SLC14A2: variants seen among roughly 807,000 people sequenced by gnomAD.
SLC14A2 encodes solute carrier family 14 member 2, also known as urea transporter 2.
Under a neutral mutation model 104.6 loss-of-function variants are expected in SLC14A2, and 91 were observed. The observed-to-expected ratio is 0.87, with a 90% CI of 0.73 to 1.04. The LOEUF is 1.04. SLC14A2 is among the 50% of genes least tolerant of loss of function. The pLI is 0.00. For missense variants in SLC14A2, 1,189 were observed against 1,156.0 expected (o/e 1.03, Z -0.41); for synonymous variants, 476 against 466.4 (o/e 1.02, Z -0.27).
intron 1 of SLC14A2, among the ~76,000 whole-genome samples, chr18:45,244,054 A>G (rs2084344840): frequency 6.6e-6 from 1 of 152,128 alleles, no homozygotes; most frequent in Non-Finnish European, 1.5e-5. Context: ...AGCTTACCAA[A>G]CCGGGTTTCT....
chr18:45,260,622 C>T (rs1046452137), intron 1 of SLC14A2, among the ~76,000 whole-genome samples: 3 of 152,156 alleles, frequency 2.0e-5, no homozygotes, highest in African/African-American at 4.8e-5. Context: ...TGGCATACTA[C>T]TCAGCCATAA....
At chr18:45,554,997 T>C (rs1022695348) in intron 2 of SLC14A2, among the ~76,000 whole-genome samples, 14 of 152,262 alleles carry the variant, frequency 9.2e-5, no homozygotes, top group African/African-American at 3.4e-4. Flanking sequence ...TTGAGATGGA[T>C]TTGAAACTGC....
chr18:45,342,510 A>G (rs2085406244), intron 1 of SLC14A2, among the ~76,000 whole-genome samples: 1 of 152,214 alleles, frequency 6.6e-6, no homozygotes, highest in African/African-American at 2.4e-5. Flanking sequence ...GAGAATTTTA[A>G]TTTAGAACAA....
intron 2 of SLC14A2, among the ~76,000 whole-genome samples, chr18:45,515,937 GT>G: frequency 6.6e-6 from 1 of 152,366 alleles, no homozygotes; most frequent in South Asian, 2.1e-4. Context: ...CCAAGCCATT[GT>G]GGTAACTATA....
Position 45,672,994 on chromosome 18 carries a change from C to T in SLC14A2, c.2324C>T (p.Ser775Leu), listed in dbSNP as rs552561427. Residue 775 changes from serine (S) to leucine (L), a missense_variant, in exon 17 of 20, where the codon TCA (serine) becomes TTA (leucine). Transcript: ENST00000255226. Reference sequence around the variant, plus strand: ...TTCCTCATAGCTCTGTTCATATCCTCACCTCTCATTTGCTTGCATGCAGCA... The same window carrying T: ...TTCCTCATAGCTCTGTTCATATCCTTACCTCTCATTTGCTTGCATGCAGCA... ...GIFLIALFIS[S>L]PLICLHAAIG... 6.9e-5 allele frequency: 111 copies of T among 1,614,176 alleles called. 3 individuals are homozygous for T. The South Asian group carries it at 1.2e-3, about 17-fold the overall frequency.
At chr18:45,212,546 C>T (rs1460638622), upstream of SLC14A2, among the ~76,000 whole-genome samples, 2 of 152,208 alleles carry the variant, frequency 1.3e-5, no homozygotes, top group East Asian at 1.9e-4. Flanking sequence ...AATCCCCCTC[C>T]TCCAACGTGA....
intron 2 of SLC14A2, among the ~76,000 whole-genome samples, chr18:45,537,574 A>C (rs1482493789): frequency 6.6e-6 from 1 of 152,304 alleles, no homozygotes; most frequent in East Asian, 1.9e-4. Flanking sequence ...AGAGGAACAG[A>C]AGACAGCTTT....
intron 1 of SLC14A2, among the ~76,000 whole-genome samples, chr18:45,432,082 T>C (rs1285769217): frequency 6.6e-6 from 1 of 152,176 alleles, no homozygotes; most frequent in Non-Finnish European, 1.5e-5. Context: ...AGCAAGACAA[T>C]GCCTCGTTTG....
chr18:45,229,334 A>C (rs966442622), intron 1 of SLC14A2, among the ~76,000 whole-genome samples: 5 of 152,182 alleles, frequency 3.3e-5, no homozygotes, highest in Non-Finnish European at 5.9e-5. Context: ...GAAAAGAATC[A>C]GAATTTGAAA....
the SLC14A2 span, among the ~76,000 whole-genome samples, chr18:45,189,408 A>G: frequency 1.3e-5 from 2 of 152,230 alleles, no homozygotes; most frequent in Non-Finnish European, 2.9e-5. Context: ...GCTTGTTACA[A>G]TACACCAATA....
intron 1 of SLC14A2, among the ~76,000 whole-genome samples, chr18:45,464,608 T>A (rs564075066): frequency 6.6e-6 from 1 of 152,280 alleles, no homozygotes; most frequent in African/African-American, 2.4e-5. Context: ...TTCGTGTAAT[T>A]TCTATTTTTT....
intron 1 of SLC14A2, among the ~76,000 whole-genome samples, chr18:45,257,929 G>A (rs1208639941): frequency 3.3e-5 from 5 of 152,264 alleles, no homozygotes; most frequent in East Asian, 1.9e-4. Context: ...CAACTAGTAC[G>A]CACAAGGACT....
chr18:45,207,505 A>G, the SLC14A2 span, among the ~76,000 whole-genome samples: 2 of 152,010 alleles, frequency 1.3e-5, no homozygotes, highest in African/African-American at 2.4e-5. Flanking sequence ...AAACCTAATA[A>G]TGTGTGTGCA....
Position 45,682,722 on chromosome 18 carries a change from C to G in SLC14A2, c.*203C>G, listed in dbSNP as rs2046329989. ...TTATCAAAGATATGTTTAGTTTAGA[C>G]TTTATACCCTTAGCTTTCCCATAAG... On this transcript the variant is annotated 3_prime_UTR_variant, in exon 20 of 20. Coordinates refer to ENST00000255226, the MANE Select transcript of SLC14A2 (RefSeq NM_007163.4). 1 of 560,726 alleles carries G rather than the reference C, an allele frequency of 1.8e-6. No homozygotes were observed. Among genetic ancestry groups the G allele is most frequent in the African/African-American group, 1.9e-5 (1 of 53,142 alleles). 34.7% of individuals were successfully genotyped at this position (560,726 alleles called of 1,614,324 possible).
rs149883370 is a variant in SLC14A2 at position 45,510,378 on chromosome 18, T to G, written c.-35+27056T>G. 2.9e-3 allele frequency among the ~76,000 whole-genome samples: 436 copies of G among 152,258 alleles called. 2 individuals carry two copies. Among genetic ancestry groups the G allele is most frequent in the African/African-American group, 9.9e-3 (412 of 41,542 alleles). ...CAAGCCATACTAAGCGTAGGTTTGA[T>G]GGAAAATGAGAAGGCATATAGAACA... On this transcript the variant is annotated intron_variant, in intron 2 of 20. Coordinates refer to the SLC14A2 transcript ENST00000586448.
intron 10 of SLC14A2, among the ~76,000 whole-genome samples, chr18:45,645,987 C>T (rs2045620511): frequency 6.6e-6 from 1 of 152,138 alleles, no homozygotes; most frequent in African/African-American, 2.4e-5. Context: ...CATGAAGACC[C>T]TCAGGAAATG....
At chr18:45,254,392 C>T (rs1258037622) in intron 1 of SLC14A2, among the ~76,000 whole-genome samples, 1 of 152,170 alleles carries the variant, frequency 6.6e-6, no homozygotes, top group African/African-American at 2.4e-5. Flanking sequence ...ATCTTCAGCC[C>T]AGAGCAAGTG....
chr18:45,246,459 G>A (rs1055656510), intron 1 of SLC14A2, among the ~76,000 whole-genome samples: 1 of 152,264 alleles, frequency 6.6e-6, no homozygotes, highest in African/African-American at 2.4e-5. Context: ...TTTATATAGT[G>A]TATTGTTAGT....
At chr18:45,478,919 G>C (rs568520383) in intron 1 of SLC14A2, among the ~76,000 whole-genome samples, 27 of 152,296 alleles carry the variant, frequency 1.8e-4, no homozygotes, top group African/African-American at 6.3e-4. Flanking sequence ...CTTAATGGAA[G>C]AGTCCAGGGA....
Sources: allele counts gnomAD v4.1 joint callset (sites outside exome capture counted in the v4.1 genomes callset), GRCh38; gene constraint gnomAD v4.1.1; transcripts MANE v1.5; gene names NCBI Gene and HGNC (gene_info 2026-07-23, HGNC 2026-07-21).